TECTA: variants seen among roughly 807,000 people sequenced by gnomAD.
TECTA encodes tectorin alpha, also known as alpha-tectorin.
Under a neutral mutation model 216.8 loss-of-function variants are expected in TECTA, and 128 were observed. The ratio of observed to expected loss-of-function variants is 0.59; its 90% confidence interval spans 0.51 to 0.68. The LOEUF (loss-of-function observed/expected upper bound fraction) is 0.68. Ranked by LOEUF, TECTA falls within the 30% of genes least tolerant of loss-of-function variation. The pLI is 0.00. For missense variants in TECTA, 2,551 were observed against 2,786.2 expected (o/e 0.92, Z 1.90); for synonymous variants, 1,089 against 1,117.1 (o/e 0.97, Z 0.50).
At chr11:121,122,461 G>A (rs1174001818) in intron 7 of TECTA, among the ~76,000 whole-genome samples, 1 of 152,098 alleles carries the variant, frequency 6.6e-6, no homozygotes, top group Non-Finnish European at 1.5e-5. Flanking sequence ...CCAGTTTATG[G>A]TATTTTGCTC....
In TECTA at chr11:121,189,526, C is replaced by A. The variant is rs552061275; in HGVS notation, c.6251-238C>A. 3.3e-5 allele frequency among the ~76,000 whole-genome samples: 5 copies of A among 152,018 alleles called. No individual in the cohort carries two copies. The South Asian group carries it at 1.0e-3, about 32-fold the overall frequency. ...GTAGCTGGGACTACAGGTGCCCGCCCCCACGCCCGGCTAATTTTTTTGTAT... is the reference window on the plus strand; with the variant it reads ...GTAGCTGGGACTACAGGTGCCCGCCACCACGCCCGGCTAATTTTTTTGTAT... On this transcript the variant is annotated intron_variant, in intron 22 of 23. Coordinates refer to ENST00000392793, the MANE Select transcript of TECTA (RefSeq NM_005422.4).
chr11:121,146,952 C>T (rs1395066908), intron 12 of TECTA, among the ~76,000 whole-genome samples: 2 of 152,176 alleles, frequency 1.3e-5, no homozygotes, highest in Non-Finnish European at 2.9e-5. Context: ...GTCATATAAT[C>T]TGAGTGGCAA....
rs200340759 is a variant in TECTA, at chr11:121,130,064, G to C, written c.2794G>C (p.Val932Leu). The change falls in exon 10 of 24, where the codon GTC becomes CTC. Residue 932 changes from valine (V) to leucine (L), a missense_variant. Physicochemically the swap from Val to Leu is conservative, Grantham distance 32 (BLOSUM62 1). Around this residue, in one of 3 missense-constraint regions of TECTA, gnomAD observed 2,375 missense variants for 2,563.9 expected, o/e 0.93. Coordinates refer to ENST00000392793, the MANE Select transcript of TECTA (RefSeq NM_005422.4). ...SFLECHGVVNVTAYYRTCLFR... is the reference protein window; with the variant it reads ...SFLECHGVVNLTAYYRTCLFR... ...CCTGGAGTGCCATGGGGTGGTGAAC[G>C]TCACTGCCTATTACCGCACCTGCCT... 9.9e-6 allele frequency: 16 copies of C among 1,614,100 alleles called. No homozygotes were observed. The Admixed American group carries it at 1.7e-4, about 17-fold the overall frequency.
At chr11:121,184,536 T>C (rs897800312) in intron 20 of TECTA, among the ~76,000 whole-genome samples, 2 of 152,094 alleles carry the variant, frequency 1.3e-5, no homozygotes, top group African/African-American at 4.8e-5. Context: ...GTAAGTAGCT[T>C]TATGGTTGAG....
In TECTA at chr11:121,127,728, G is replaced by C. The variant is rs1946626909; in HGVS notation, c.1775-24G>C. 6.2e-7 allele frequency: 1 copy of C among 1,613,092 alleles called. No individual in the cohort carries two copies. The highest frequency in any genetic ancestry group is 1.1e-5 in the South Asian group (1 of 91,076). ...TCCGGGTCCATTCACCTTGTTATCG[G>C]CTCTCTTCCTTTCCCCGCGTCAGTG... is the stretch of plus-strand genomic sequence containing the variant. On this transcript the variant is annotated intron_variant, in intron 8 of 23. Transcript: ENST00000392793. This position sits in a 1 kb window ranked among gnomAD's most constrained non-coding sequence, Gnocchi z 5.0.
chr11:121,123,010 T>G (rs1029189056), intron 7 of TECTA, among the ~76,000 whole-genome samples: 4 of 152,248 alleles, frequency 2.6e-5, no homozygotes, highest in African/African-American at 9.6e-5. Context: ...GAGCTGCATG[T>G]GGCGCCTGCC....
At chr11:121,123,185 C>T (rs1946576271) in intron 7 of TECTA, among the ~76,000 whole-genome samples, 1 of 152,212 alleles carries the variant, frequency 6.6e-6, no homozygotes, top group Admixed American at 6.5e-5. Flanking sequence ...TAGTCAAGCC[C>T]ACCGAGGACT....
In TECTA at chr11:121,190,775, A is replaced by G. The variant is rs767048122; in HGVS notation, c.6437A>G (p.His2146Arg). The change falls in exon 24 of 24, where the codon CAT becomes CGT. Residue 2146 changes from histidine to arginine, a missense_variant. Physicochemically the swap from His to Arg is conservative, Grantham distance 29 (BLOSUM62 0). This residue lies in a region of TECTA where 118 missense variants were observed against 116.4 expected (regional missense o/e 1.01). Transcript: ENST00000392793. ...ATCATGATCCAGATTTCATTATGGC[A>G]TTTTGTCTATAAATCAGGCACGACC... The part of the protein sequence containing the change: ...LLIMIQISLW[H>R]FVYKSGTTS The G allele has an allele frequency of 1.9e-6, 3 of 1,613,756 alleles. No individual in the cohort carries two copies. In the Admixed American group the frequency reaches 5.0e-5, roughly 27 times the overall value.
intron 8 of TECTA, among the ~76,000 whole-genome samples, chr11:121,126,245 C>G (rs978952867): frequency 6.6e-6 from 1 of 152,160 alleles, no homozygotes; most frequent in African/African-American, 2.4e-5. Context: ...TCAAAACTAG[C>G]CCTTGGGAAA....
intron 20 of TECTA, among the ~76,000 whole-genome samples, chr11:121,182,462 G>C (rs1947239493): frequency 6.6e-6 from 1 of 152,240 alleles, no homozygotes; most frequent in Non-Finnish European, 1.5e-5. Flanking sequence ...GTCGTTGGCA[G>C]TGGTGGACAG....
intron 10 of TECTA, among the ~76,000 whole-genome samples, chr11:121,134,325 C>CACACACACACACA (rs1555124739): frequency 6.8e-6 from 1 of 146,864 alleles, no homozygotes; most frequent in African/African-American, 2.6e-5. Context: ...AAAACCAACA[C>CACACACACACACA]CACACACACA....
rs780894879 is a variant in TECTA at position 121,113,531 on chromosome 11, T to C, written c.625-22T>C. 81 of 1,613,926 alleles carry C rather than the reference T, an allele frequency of 5.0e-5. No individual in the cohort carries two copies. The highest frequency in any genetic ancestry group is 6.5e-5 in the Non-Finnish European group (77 of 1,180,028). ...TGGGGAATTTTTGTACTCAAAAATC[T>C]TGTCTTCCTTTTGTGCTGCAGGCAG... On this transcript the variant is annotated intron_variant, in intron 5 of 23. Transcript: ENST00000392793. The surrounding 1 kb of genome is among the most constrained non-coding windows in gnomAD (Gnocchi z 4.2).
chr11:121,180,378 C>T (rs531564995), intron 20 of TECTA, among the ~76,000 whole-genome samples: 167 of 152,238 alleles, frequency 1.1e-3, no homozygotes, highest in African/African-American at 3.9e-3. Context: ...TGAAGGATAG[C>T]TTTGCTGGGT....
At position 121,113,454 on chromosome 11, in the gene TECTA, G is replaced by A; in HGVS notation, c.625-99G>A. ...GTGACTCCAGGAAAAGACGGCTCTT[G>A]ATTTTAGAGGTGCTGGATTTTAAAA... On this transcript the variant is annotated intron_variant, in intron 5 of 23. Coordinates refer to ENST00000392793, the MANE Select transcript of TECTA (RefSeq NM_005422.4). The surrounding 1 kb of genome is among the most constrained non-coding windows in gnomAD (Gnocchi z 4.2). 6.4e-7 allele frequency: 1 copy of A among 1,551,836 alleles called. No homozygotes were observed. The highest frequency in any genetic ancestry group is 8.9e-7 in the Non-Finnish European group (1 of 1,125,796).
intron 10 of TECTA, among the ~76,000 whole-genome samples, chr11:121,134,243 G>A (rs768034685): frequency 5.3e-5 from 8 of 152,008 alleles, no homozygotes; most frequent in Non-Finnish European, 1.0e-4. Flanking sequence ...AAACCAAGAT[G>A]TAAGGGAGGT....
intron 10 of TECTA, among the ~76,000 whole-genome samples, chr11:121,135,470 A>G (rs866325243): frequency 5.3e-5 from 8 of 152,234 alleles, no homozygotes; most frequent in African/African-American, 1.9e-4. Context: ...GAACATTCAT[A>G]ATTTAAAGAC....
intron 20 of TECTA, among the ~76,000 whole-genome samples, chr11:121,172,378 C>T (rs1163592665): frequency 1.3e-5 from 2 of 151,728 alleles, no homozygotes; most frequent in Non-Finnish European, 2.9e-5. Context: ...GTGACGTTCC[C>T]CTTCCTGTGT....
At chr11:121,124,749 C>T (rs376204028) in intron 7 of TECTA, among the ~76,000 whole-genome samples, 2 of 152,122 alleles carry the variant, frequency 1.3e-5, no homozygotes, top group South Asian at 2.1e-4. Flanking sequence ...GGTTACATGA[C>T]GTAGTTCTGA....
intron 10 of TECTA, among the ~76,000 whole-genome samples, chr11:121,136,165 T>C (rs1298956551): frequency 6.6e-6 from 1 of 152,174 alleles, no homozygotes; most frequent in Non-Finnish European, 1.5e-5. Flanking sequence ...TTTCACCATG[T>C]TGGCCAGGCT....
Sources: gnomAD v4.1 joint callset for allele counts (sites outside exome capture counted in the v4.1 genomes callset) on GRCh38, gnomAD v4.1.1 for gene constraint, gnomAD v4.1.1 regional missense constraint, Gnocchi (gnomAD v3.1) non-coding constraint, MANE v1.5 for transcripts, NCBI Gene and HGNC (gene_info 2026-07-23, HGNC 2026-07-21) for gene names.